The following DOCK3 variants were observed in gnomAD, a reference collection of about 807,000 sequenced individuals.
The protein encoded by DOCK3 is dedicator of cytokinesis protein 3.
DOCK3 carries 60 observed loss-of-function variants against 265.6 expected under a neutral mutation model. The observed-to-expected ratio is 0.23, with a 90% confidence interval of 0.18 to 0.28. DOCK3 has a LOEUF of 0.28. DOCK3 is among the 10% of genes least tolerant of loss of function. DOCK3 has a pLI of 1.00. For synonymous variants in DOCK3, 881 were observed against 938.0 expected (o/e 0.94, Z 1.11); for missense variants, 1,981 against 2,594.3 (o/e 0.76, Z 5.14).
chr3:51,159,025 G>C (rs144296786), intron 10 of DOCK3, among the ~76,000 whole-genome samples: 1 of 152,132 alleles, frequency 6.6e-6, no homozygotes, highest in African/African-American at 2.4e-5. Context: ...GTCTAAATGA[G>C]AGCTGGAAAA....
At chr3:51,068,923 G>A (rs2081732077) in intron 6 of DOCK3, among the ~76,000 whole-genome samples, 1 of 152,114 alleles carries the variant, frequency 6.6e-6, no homozygotes, top group South Asian at 2.1e-4. Flanking sequence ...TTCATTTAGA[G>A]TTTTAATTTA....
intron 5 of DOCK3, among the ~76,000 whole-genome samples, chr3:50,987,780 G>A (rs1023199162): frequency 6.6e-6 from 1 of 152,186 alleles, no homozygotes; most frequent in African/African-American, 2.4e-5. Context: ...GTGAGTGAAT[G>A]TGCAACCCTG....
intron 22 of DOCK3, among the ~76,000 whole-genome samples, chr3:51,254,516 G>T (rs182198630): frequency 6.6e-6 from 1 of 152,212 alleles, no homozygotes; most frequent in Admixed American, 6.5e-5. Flanking sequence ...CTCTTTGTAG[G>T]TCTCTAAGGA....
At chr3:51,171,866 T>A (rs897966959) in intron 12 of DOCK3, among the ~76,000 whole-genome samples, 17 of 152,306 alleles carry the variant, frequency 1.1e-4, no homozygotes, top group Non-Finnish European at 1.8e-4. Context: ...GTTACTCAAG[T>A]CTGCTATTTC....
chr3:50,884,243 A>G (rs2048213621), intron 3 of DOCK3, among the ~76,000 whole-genome samples: 1 of 152,072 alleles, frequency 6.6e-6, no homozygotes, highest in African/African-American at 2.4e-5. Flanking sequence ...GGCATCCACC[A>G]CCACGGCCAG....
chr3:51,039,108 G>C (rs2080382664), intron 5 of DOCK3, among the ~76,000 whole-genome samples: 1 of 151,912 alleles, frequency 6.6e-6, no homozygotes, highest in African/African-American at 2.4e-5. Flanking sequence ...GGGTTATCCT[G>C]CCTCAGCCTC....
chr3:50,756,206 T>C (rs971269801), intron 1 of DOCK3, among the ~76,000 whole-genome samples: 1 of 152,226 alleles, frequency 6.6e-6, no homozygotes, highest in Non-Finnish European at 1.5e-5. Flanking sequence ...CATGCTAATT[T>C]GGGGACGTTT....
chr3:51,315,222 G>GA (rs1219596405), intron 32 of DOCK3, 94 bp downstream of exon 32: 2 of 1,416,728 alleles, frequency 1.4e-6, no homozygotes, highest in Admixed American at 5.1e-5. Context: ...TTCTAGTGGG[G>GA]ATGGGCTGTA....
At chr3:51,369,415 G>A (rs1003006898) in intron 49 of DOCK3, among the ~76,000 whole-genome samples, 6 of 152,180 alleles carry the variant, frequency 3.9e-5, no homozygotes, top group Non-Finnish European at 8.8e-5. Context: ...TTCAGTAGCC[G>A]ATTCGATCAA....
chr3:51,121,019 AAAAC>A (rs748373912), intron 9 of DOCK3, among the ~76,000 whole-genome samples: 2 of 152,128 alleles, frequency 1.3e-5, no homozygotes, highest in Admixed American at 6.5e-5. Context: ...GGTATGGAAA[AAAAC>A]AAACAAACAA....
chr3:50,810,163 T>G lies in DOCK3; in HGVS notation c.121+31405T>G, dbSNP rs377537922. Reference sequence around the variant, plus strand: ...AAAATCTTTTTAAGGGTGTGTGTGTTGATGACTGGAGGAGGTACAAGTGGG... The same window carrying G: ...AAAATCTTTTTAAGGGTGTGTGTGTGGATGACTGGAGGAGGTACAAGTGGG... On this transcript the variant is annotated intron_variant, in intron 2 of 52. Coordinates refer to ENST00000266037, the MANE Select transcript of DOCK3 (RefSeq NM_004947.5). Among the ~76,000 whole-genome samples the G allele has an allele frequency of 1.8e-4, 27 of 152,176 alleles. 1 individual carries two copies. In the South Asian group the frequency reaches 5.0e-3, roughly 28 times the overall value.
intron 21 of DOCK3, among the ~76,000 whole-genome samples, chr3:51,245,562 T>C (rs1371937101): frequency 6.6e-6 from 1 of 151,786 alleles, no homozygotes; most frequent in African/African-American, 2.4e-5. Flanking sequence ...AGCTAATTTT[T>C]TTGTATTTTT....
Position 51,095,160 on chromosome 3 carries a change from T to C in DOCK3, c.746+4776T>C, listed in dbSNP as rs561207201. On this transcript the variant is annotated intron_variant, in intron 9 of 52. Transcript: ENST00000266037. ...AATTGGATCATTTAGCCTGTTTACA[T>C]TTAAGGTTAACATTGTTATGTGTGA... 5.3e-5 allele frequency among the ~76,000 whole-genome samples: 8 copies of C among 152,292 alleles called. No homozygotes were observed. The South Asian group carries it at 1.7e-3, about 32-fold the overall frequency.
intron 12 of DOCK3, among the ~76,000 whole-genome samples, chr3:51,191,898 T>C (rs907939027): frequency 4.0e-5 from 6 of 151,596 alleles, no homozygotes; most frequent in Non-Finnish European, 7.4e-5. Flanking sequence ...TCCCTTGTTG[T>C]ATAAGTAGTT....
chr3:50,777,958 G>A (rs996522026), intron 1 of DOCK3, among the ~76,000 whole-genome samples: 1 of 152,142 alleles, frequency 6.6e-6, no homozygotes, highest in African/African-American at 2.4e-5. Flanking sequence ...TCAAAGAGAA[G>A]TGGTGAAAAT....
chr3:50,718,771 A>ATTTTTT (rs373965842), intron 1 of DOCK3, among the ~76,000 whole-genome samples: 1 of 76,966 alleles, frequency 1.3e-5, no homozygotes, highest in Non-Finnish European at 2.4e-5. Context: ...TTGTGGGTTG[A>ATTTTTT]TTTTTTTTTT....
At chr3:51,019,163 C>G (rs935052703) in intron 5 of DOCK3, among the ~76,000 whole-genome samples, 1 of 151,756 alleles carries the variant, frequency 6.6e-6, no homozygotes. Context: ...ACCCTTTATA[C>G]CTAGCGCTTT....
At chr3:51,006,814 CA>C (rs2078695985) in intron 5 of DOCK3, among the ~76,000 whole-genome samples, 1 of 152,154 alleles carries the variant, frequency 6.6e-6, no homozygotes, top group Non-Finnish European at 1.5e-5. Flanking sequence ...TGTTGTTCCC[CA>C]CCCTGCATCC....
chr3:50,798,289 C>G (rs925597478), intron 2 of DOCK3, among the ~76,000 whole-genome samples: 1 of 152,194 alleles, frequency 6.6e-6, no homozygotes, highest in Non-Finnish European at 1.5e-5. Flanking sequence ...GGTCTGTAGT[C>G]TTTTAACCAC....
Sources: allele counts gnomAD v4.1 joint callset (sites outside exome capture counted in the v4.1 genomes callset), GRCh38; gene constraint gnomAD v4.1.1; transcripts MANE v1.5; gene names NCBI Gene and HGNC (gene_info 2026-07-23, HGNC 2026-07-21).